The following PAK1 variants were observed in gnomAD, a reference collection of about 807,000 sequenced individuals.
PAK1 encodes serine/threonine-protein kinase PAK 1.
PAK1 carries 29 observed loss-of-function variants against 67.4 expected under a neutral mutation model. That is an observed-to-expected ratio of 0.43 (90% CI 0.32 to 0.59). The LOEUF is 0.59. PAK1 is among the 20% of genes least tolerant of loss of function. PAK1 has a pLI of 0.07. For synonymous variants in PAK1, 223 were observed against 237.4 expected (o/e 0.94, Z 0.56); for missense variants, 337 against 670.7 (o/e 0.50, Z 5.50).
chr11:77,489,985 A>C, the PAK1 span, among the ~76,000 whole-genome samples: 2 of 138,430 alleles, frequency 1.4e-5, no homozygotes, highest in African/African-American at 5.5e-5. Flanking sequence ...CCCGGCCGCC[A>C]TCCCATCTAG....
upstream of PAK1, chr11:77,475,939 G>C (rs1958055811): frequency 6.6e-6 from 1 of 152,262 alleles, no homozygotes; most frequent in Non-Finnish European, 1.5e-5. Flanking sequence ...GGGAGGCCAA[G>C]GCAGCCAGAT....
chr11:77,332,669 T>TA, intron 14 of PAK1, 61 bp downstream of exon 14: 1 of 1,416,778 alleles, frequency 7.1e-7, no homozygotes, highest in Non-Finnish European at 9.9e-7. Context: ...AAACATGAAG[T>TA]AAAAAAGGCC....
At chr11:77,349,377 G>T in intron 8 of PAK1, 90 bp from the exon 9 acceptor site, 2 of 978,338 alleles carry the variant, frequency 2.0e-6, no homozygotes, top group Non-Finnish European at 3.2e-6. Context: ...CACAATCTGT[G>T]AGTGTCAAAA....
the PAK1 span, among the ~76,000 whole-genome samples, chr11:77,510,928 T>C: frequency 6.6e-6 from 1 of 152,248 alleles, no homozygotes. Flanking sequence ...TCTGTTAGTT[T>C]AACTTATCCT....
chr11:77,378,311 A>C (rs1019775404), intron 4 of PAK1, among the ~76,000 whole-genome samples: 2 of 152,148 alleles, frequency 1.3e-5, no homozygotes, highest in Non-Finnish European at 2.9e-5. Flanking sequence ...ATGTTACAGG[A>C]ATTAGGAGAC....
the PAK1 span, among the ~76,000 whole-genome samples, chr11:77,480,314 G>A: frequency 1.3e-5 from 2 of 151,762 alleles, no homozygotes; most frequent in Non-Finnish European, 2.9e-5. Context: ...ATACTTTAAT[G>A]AGTATAAAGT....
At chr11:77,392,276 C>T in intron 2 of PAK1, 55 bp downstream of exon 2, 2 of 1,240,088 alleles carry the variant, frequency 1.6e-6, no homozygotes, top group Non-Finnish European at 1.1e-6. Flanking sequence ...TCCAGGTTAC[C>T]CAAAATAATT....
At chr11:77,368,803 C>T (rs1469373172) in intron 5 of PAK1, among the ~76,000 whole-genome samples, 1 of 152,040 alleles carries the variant, frequency 6.6e-6, no homozygotes, top group Admixed American at 6.5e-5. Flanking sequence ...ATTACAGGCA[C>T]ACAACACCAA....
chr11:77,336,321 A>C, intron 12 of PAK1, 39 bp from the exon 13 acceptor site: 1 of 1,483,486 alleles, frequency 6.7e-7, no homozygotes, highest in South Asian at 1.2e-5. Context: ...TACATTTAGG[A>C]TATACACTCA....
At chr11:77,329,722 AC>A (rs1390264448) in intron 14 of PAK1, among the ~76,000 whole-genome samples, 3 of 152,036 alleles carry the variant, frequency 2.0e-5, no homozygotes, top group Non-Finnish European at 4.4e-5. Context: ...GAAAACTGGC[AC>A]AAGACAGGGA....
At chr11:77,490,676 T>C in the PAK1 span, among the ~76,000 whole-genome samples, 2 of 152,146 alleles carry the variant, frequency 1.3e-5, no homozygotes, top group Non-Finnish European at 2.9e-5. Context: ...GGCGGTTTTG[T>C]GGAATAGAAA....
At chr11:77,488,517 G>A in the PAK1 span, among the ~76,000 whole-genome samples, 1 of 152,136 alleles carries the variant, frequency 6.6e-6, no homozygotes, top group Non-Finnish European at 1.5e-5. Flanking sequence ...CAAAATAGCT[G>A]TTTTGAGGAA....
the PAK1 span, among the ~76,000 whole-genome samples, chr11:77,526,196 G>A: frequency 0.5 from 75,904 of 152,072 alleles, 19,220 homozygotes; most frequent in East Asian, 0.61. Flanking sequence ...CTAATCTAAC[G>A]CATTTATTCT....
intron 1 of PAK1, among the ~76,000 whole-genome samples, chr11:77,439,521 G>A (rs1183678945): frequency 6.6e-6 from 1 of 152,164 alleles, no homozygotes; most frequent in Non-Finnish European, 1.5e-5. Flanking sequence ...TGTGTTAGAT[G>A]CCCCTAAAGG....
At chr11:77,414,050 A>T (rs1003942541) in intron 1 of PAK1, among the ~76,000 whole-genome samples, 5 of 152,238 alleles carry the variant, frequency 3.3e-5, no homozygotes, top group African/African-American at 9.6e-5. Flanking sequence ...ACTATGAGGC[A>T]GTGTTTCCTC....
At chr11:77,509,502 T>A in the PAK1 span, among the ~76,000 whole-genome samples, 1 of 152,200 alleles carries the variant, frequency 6.6e-6, no homozygotes, top group East Asian at 1.9e-4. Context: ...CCCAGGCCAA[T>A]TGTGGCAACC....
chr11:77,324,909 C>A (rs760823495), intron 14 of PAK1, among the ~76,000 whole-genome samples: 1 of 152,044 alleles, frequency 6.6e-6, no homozygotes, highest in Non-Finnish European at 1.5e-5. Context: ...AGAACAAGAA[C>A]GTACTATTAC....
intron 1 of PAK1, among the ~76,000 whole-genome samples, chr11:77,429,611 A>G (rs991770193): frequency 4.6e-5 from 7 of 152,242 alleles, no homozygotes; most frequent in African/African-American, 1.7e-4. Flanking sequence ...ATGACATTCT[A>G]TAAAACACCT....
the PAK1 span, among the ~76,000 whole-genome samples, chr11:77,496,695 G>C: frequency 1.3e-5 from 2 of 152,052 alleles, no homozygotes; most frequent in African/African-American, 4.8e-5. Context: ...CACTGTGGGA[G>C]GTCAAGCCAG....
Sources: gnomAD v4.1 joint callset for allele counts (sites outside exome capture counted in the v4.1 genomes callset) on GRCh38, gnomAD v4.1.1 for gene constraint, MANE v1.5 for transcripts, NCBI Gene and HGNC (gene_info 2026-07-23, HGNC 2026-07-21) for gene names.